The following EPB41L3 variants were observed in gnomAD, a reference collection of about 807,000 sequenced individuals.
EPB41L3 encodes the protein band 4.1-like protein 3.
Under a neutral mutation model 127.1 loss-of-function variants are expected in EPB41L3, and 57 were observed. The ratio of observed to expected loss-of-function variants is 0.45; its 90% CI spans 0.36 to 0.56. The LOEUF is 0.56. EPB41L3 is among the 20% of genes least tolerant of loss of function. EPB41L3 has a pLI of 0.00. For synonymous variants in EPB41L3, 572 were observed against 549.5 expected (o/e 1.04, Z -0.57); for missense variants, 1,273 against 1,372.2 (o/e 0.93, Z 1.14).
intron 11 of EPB41L3, among the ~76,000 whole-genome samples, chr18:5,421,293 T>C (rs1213682351): frequency 2.7e-5 from 4 of 150,336 alleles, no homozygotes; most frequent in East Asian, 1.9e-4. Flanking sequence ...CTGAACAAAG[T>C]GGATGATATT....
Position 5,439,791 on chromosome 18 carries a change from C to T in EPB41L3, c.530-1681G>A, listed in dbSNP as rs538650716. Among the ~76,000 whole-genome samples the T allele has an allele frequency of 6.5e-4, 99 of 152,282 alleles. 1 individual carries two copies. The highest frequency in any genetic ancestry group is 2.3e-3 in the African/African-American group (95 of 41,554). On this transcript the variant is annotated intron_variant, in intron 5 of 22. Coordinates refer to ENST00000341928, the MANE Select transcript of EPB41L3 (RefSeq NM_012307.5). ...TTCCTATTAAAATAGATCCCTTCAA[C>T]GCTTGCCAGTGGTAAGGTTCATAAT...
intron 1 of EPB41L3, among the ~76,000 whole-genome samples, chr18:5,506,820 T>C (rs974377229): frequency 1.1e-4 from 16 of 152,256 alleles, no homozygotes; most frequent in African/African-American, 3.8e-4. Flanking sequence ...TTAGATTATG[T>C]TTGCTGAATG....
At chr18:5,587,259 A>G (rs2094449389) in intron 3 of EPB41L3, among the ~76,000 whole-genome samples, 1 of 152,122 alleles carries the variant, frequency 6.6e-6, no homozygotes, top group Non-Finnish European at 1.5e-5. Context: ...TTTTACTAAA[A>G]GTTTAGCTTT....
At chr18:5,538,963 A>G (rs2093646904) in intron 1 of EPB41L3, among the ~76,000 whole-genome samples, 1 of 151,972 alleles carries the variant, frequency 6.6e-6, no homozygotes, top group African/African-American at 2.4e-5. Context: ...ATTTTTAAAT[A>G]AAGCAGCAGT....
In EPB41L3 at chr18:5,464,085, A is replaced by G. The variant is rs904698645; in HGVS notation, c.381+14156T>C. 5.3e-5 allele frequency among the ~76,000 whole-genome samples: 8 copies of G among 152,166 alleles called. 1 individual carries two copies. Among genetic ancestry groups the G allele is most frequent in the Admixed American group, 4.6e-4 (7 of 15,292 alleles). ...CCATGGTGTTTCAAACATACTCAAC[A>G]CTTGCTCTCACATCTCTTCATCTGC... On this transcript the variant is annotated intron_variant, in intron 3 of 22. Transcript: ENST00000341928.
intron 7 of EPB41L3, 129 bp from the exon 8 acceptor site, chr18:5,433,685 AT>A: frequency 1.1e-6 from 1 of 913,600 alleles, no homozygotes; most frequent in South Asian, 1.7e-5. Context: ...TGAGAAAAGA[AT>A]AACAAGAAAA....
rs948668743 is a variant in EPB41L3, at chr18:5,606,718, A to G, written c.-306+5622T>C. ...CTAGAAATTGTCCATTAGTAAAATTACTAGACAAAATTAATAACTGGTAAA... is the reference window on the plus strand; with the variant it reads ...CTAGAAATTGTCCATTAGTAAAATTGCTAGACAAAATTAATAACTGGTAAA... On this transcript the variant is annotated intron_variant, in intron 3 of 21. Coordinates refer to the EPB41L3 transcript ENST00000545076. Among the ~76,000 whole-genome samples the G allele has an allele frequency of 3.9e-5, 6 of 152,338 alleles. 1 individual carries two copies. Among genetic ancestry groups the G allele is most frequent in the African/African-American group, 1.4e-4 (6 of 41,590 alleles).
chr18:5,475,513 C>T (rs976847367), intron 3 of EPB41L3, among the ~76,000 whole-genome samples: 1 of 152,246 alleles, frequency 6.6e-6, no homozygotes, highest in Non-Finnish European at 1.5e-5. Flanking sequence ...AAACCTAACA[C>T]TATGCTTCCA....
upstream of EPB41L3, among the ~76,000 whole-genome samples, chr18:5,629,939 G>T (rs1429942263): frequency 6.6e-6 from 1 of 152,174 alleles, no homozygotes; most frequent in African/African-American, 2.4e-5. Flanking sequence ...AAGAGGGGGC[G>T]GAGGAGGAGT....
chr18:5,539,145 T>G (rs1336234593), intron 1 of EPB41L3, among the ~76,000 whole-genome samples: 2 of 151,976 alleles, frequency 1.3e-5, no homozygotes, highest in Non-Finnish European at 2.9e-5. Context: ...TAACTCCCTA[T>G]CCTCATCAAG....
chr18:5,570,440 G>A (rs1202505911), intron 3 of EPB41L3, among the ~76,000 whole-genome samples: 2 of 152,198 alleles, frequency 1.3e-5, no homozygotes, highest in African/African-American at 4.8e-5. Context: ...AGGGAATTAT[G>A]AGTTAACTAG....
chr18:5,630,365 A>G (rs553892793), upstream of EPB41L3: 396 of 518,184 alleles, frequency 7.6e-4, 3 homozygotes, highest in South Asian at 5.3e-3. Flanking sequence ...CCAAGAAGAG[A>G]AAGGCGCTCA....
chr18:5,506,823 G>C (rs2092241054), intron 1 of EPB41L3, among the ~76,000 whole-genome samples: 1 of 152,120 alleles, frequency 6.6e-6, no homozygotes, highest in African/African-American at 2.4e-5. Context: ...GATTATGTTT[G>C]CTGAATGAGG....
intron 14 of EPB41L3, among the ~76,000 whole-genome samples, chr18:5,408,788 A>G (rs1169125493): frequency 2.6e-5 from 4 of 152,280 alleles, no homozygotes; most frequent in African/African-American, 9.6e-5. Flanking sequence ...TTCTAATTTC[A>G]AGGAGTGGTC....
At chr18:5,542,081 C>G (rs1390654886) in intron 1 of EPB41L3, among the ~76,000 whole-genome samples, 1 of 152,136 alleles carries the variant, frequency 6.6e-6, no homozygotes, top group Non-Finnish European at 1.5e-5. Flanking sequence ...AGTATTTATT[C>G]CCTCTCACAT....
Position 5,415,888 on chromosome 18 carries a change from T to A in EPB41L3, c.1997A>T (p.Tyr666Phe). Residue 666 changes from tyrosine to phenylalanine, a missense_variant, in exon 13 of 23, where the codon TAC becomes TTC. Coordinates refer to ENST00000341928, the MANE Select transcript of EPB41L3 (RefSeq NM_012307.5). ...LSFPLALCLC[Y>F]LEPKAASLSA... ...CAAGGAGGCCGCCTTGGGCTCCAGGTAGCAGAGGCACAGAGCCAGAGGGAA... is the reference window on the plus strand; with the variant it reads ...CAAGGAGGCCGCCTTGGGCTCCAGGAAGCAGAGGCACAGAGCCAGAGGGAA... 5 of 1,613,722 alleles carry A rather than the reference T, an allele frequency of 3.1e-6. No homozygotes were observed. The highest frequency in any genetic ancestry group is 4.2e-6 in the Non-Finnish European group (5 of 1,179,936).
chr18:5,476,404 A>C (rs1465240221), intron 3 of EPB41L3, among the ~76,000 whole-genome samples: 1 of 152,226 alleles, frequency 6.6e-6, no homozygotes, highest in Non-Finnish European at 1.5e-5. Flanking sequence ...AAGGTAAGTA[A>C]AAAATAAAAA....
intron 3 of EPB41L3, among the ~76,000 whole-genome samples, chr18:5,596,156 A>G (rs899587113): frequency 2.0e-5 from 3 of 152,228 alleles, no homozygotes; most frequent in African/African-American, 7.2e-5. Flanking sequence ...CCTGAAGGCC[A>G]GAATGAGCCA....
intron 13 of EPB41L3, among the ~76,000 whole-genome samples, chr18:5,412,947 T>C (rs571632931): frequency 1.3e-5 from 2 of 151,986 alleles, no homozygotes; most frequent in African/African-American, 4.8e-5. Context: ...ACAAATAGCA[T>C]AGTCCACATA....
Sources: allele counts gnomAD v4.1 joint callset (sites outside exome capture counted in the v4.1 genomes callset), GRCh38; gene constraint gnomAD v4.1.1; transcripts MANE v1.5; gene names NCBI Gene and HGNC (gene_info 2026-07-23, HGNC 2026-07-21).